The following LIG4 variants were observed in gnomAD, a reference collection of about 807,000 sequenced individuals.
LIG4 encodes the protein DNA joinase.
LIG4 carries 13 observed loss-of-function variants against 19.0 expected under a neutral mutation model. That is an observed-to-expected ratio of 0.68 (90% confidence interval 0.44 to 1.09). The LOEUF (loss-of-function observed/expected upper bound fraction) is 1.09, where lower values mean the gene tolerates loss of function less well. Among genes scored for constraint, LIG4 ranks in the 50% least tolerant of loss-of-function variants. The pLI, the probability that LIG4 is intolerant of heterozygous loss-of-function variation, is 0.00. For missense variants in LIG4, 1,026 were observed against 1,089.7 expected, an observed-to-expected ratio of 0.94 and a Z score of 0.82; for synonymous variants, 361 against 358.2, an observed-to-expected ratio of 1.01 and a Z score of -0.09.
At position 108,210,605 on chromosome 13, in the gene LIG4, C is replaced by A. The variant is rs1311822520; in HGVS notation, c.664G>T (p.Glu222Ter). ...AELHNVTTDLEKVCRQLHDPS... is the reference protein window; with the variant it reads ...AELHNVTTDL Reference sequence around the variant, plus strand: ...TCATGCAGTTGCCTACAGACTTTTTCCAGATCTGTAGTGACATTATGCAAC... The same window carrying A: ...TCATGCAGTTGCCTACAGACTTTTTACAGATCTGTAGTGACATTATGCAAC... The change falls in exon 3 of 3, where the codon GAA becomes TAA. Residue 222 changes from glutamate to a stop codon, truncating the protein, a stop_gained. Transcript: ENST00000442234. LOFTEE classifies it high-confidence loss of function. 1 of 1,613,404 alleles carries A rather than the reference C, an allele frequency of 6.2e-7. No individual in the cohort carries two copies.
intron 2 of LIG4, among the ~76,000 whole-genome samples, chr13:108,213,791 T>C (rs1002438378): frequency 1.3e-5 from 2 of 152,226 alleles, no homozygotes; most frequent in Non-Finnish European, 2.9e-5. Context: ...TTCAGTTTCC[T>C]AAAGTATAAA....
At position 108,210,027 on chromosome 13, in the gene LIG4, T is replaced by G. The variant is rs150828164; in HGVS notation, c.1242A>C (p.Val414=). The G allele has an allele frequency of 3.4e-5, 55 of 1,612,144 alleles. No individual in the cohort carries two copies. Among genetic ancestry groups the G allele is most frequent in the Non-Finnish European group, 4.5e-5 (53 of 1,179,988 alleles). Residue 414 remains valine (V), a synonymous_variant, in exon 3 of 3, where the codon GTA becomes GTC. Transcript: ENST00000442234. ...CTATTGCTTCATTCAATGCATCAAT[T>G]ACTTCATTCTTAGTATGAGCTTGTG... is the stretch of plus-strand genomic sequence containing the variant. The part of the protein sequence containing the change: ...QKTQAHTKNE[V]IDALNEAIDK...
At position 108,209,106 on chromosome 13, in the gene LIG4, GACA is replaced by G; in HGVS notation, c.2160_2162del (p.Val721del). On this transcript the variant is annotated inframe_deletion, in exon 3 of 3. Transcript: ENST00000442234. Reference sequence around the variant, plus strand: ...AACATTCTAAAAGCCATGCAGGCTTGACAACATCATGTTTATTTGACAAAATTA... The same window carrying G: ...AACATTCTAAAAGCCATGCAGGCTTGACATCATGTTTATTTGACAAAATTA... 1.2e-6 allele frequency: 2 copies of G among 1,614,096 alleles called. No individual in the cohort carries two copies.
upstream of LIG4, among the ~76,000 whole-genome samples, chr13:108,215,883 T>C (rs560735976): frequency 6.6e-6 from 1 of 152,268 alleles, no homozygotes; most frequent in South Asian, 2.1e-4. Flanking sequence ...TCGCTGGTTG[T>C]GAAAACTCCC....
Position 108,208,653 on chromosome 13 carries a change from A to G in LIG4, c.2616T>C (p.Val872=). ...TTCTTCTAAAAGCTTTAAAATCTGC[A>G]ACACGACTATGATCTTCCCCAATTA... ...HVIIGEDHSR[V]ADFKAFRRTF... Residue 872 remains valine, a synonymous_variant, in exon 3 of 3, where the codon GTT becomes GTC. Transcript: ENST00000442234. The G allele has an allele frequency of 6.2e-7, 1 of 1,614,090 alleles. No homozygotes were observed. The highest frequency in any genetic ancestry group is 8.5e-7 in the Non-Finnish European group (1 of 1,179,954).
Position 108,208,431 on chromosome 13 carries a change from T to TAAA in LIG4, c.*101_*102insTTT, listed in dbSNP as rs1878150228. On this transcript the variant is annotated 3_prime_UTR_variant, in exon 3 of 3. Transcript: ENST00000442234. The stretch of plus-strand genomic sequence containing the variant: ...TGTAATGATACTTTTTAGGCATAGA[T>TAAA]TTTTAAGATACAAAAATAAAATGTA... 3 of 764,126 alleles carry TAAA rather than the reference T, an allele frequency of 3.9e-6. No individual in the cohort carries two copies. The highest frequency in any genetic ancestry group is 6.5e-6 in the Non-Finnish European group (3 of 461,650). 47.3% of individuals were successfully genotyped at this position (764,126 alleles called of 1,614,324 possible). A position where few individuals can be genotyped will look rare whatever the true frequency, so the allele number is the denominator to read the frequency against.
intron 2 of LIG4, among the ~76,000 whole-genome samples, chr13:108,212,176 C>A: frequency 7.4e-6 from 1 of 135,138 alleles, no homozygotes; most frequent in South Asian, 2.3e-4. Context: ...AAAATATATT[C>A]TGTAAAAAAA....
chr13:108,211,507 TATC>T (rs1460910618), intron 2 of LIG4, among the ~76,000 whole-genome samples: 1 of 152,316 alleles, frequency 6.6e-6, no homozygotes, highest in East Asian at 1.9e-4. Context: ...TTATGAAAAG[TATC>T]ATCAGCTATA....
chr13:108,208,838 T>C lies in LIG4; in HGVS notation c.2431A>G (p.Ser811Gly), dbSNP rs1334962302. 1 of 1,614,140 alleles carries C rather than the reference T, an allele frequency of 6.2e-7. No individual in the cohort carries two copies. The highest frequency in any genetic ancestry group is 1.7e-5 in the Admixed American group (1 of 60,028). Residue 811 changes from serine (S) to glycine (G), a missense_variant, in exon 3 of 3, where the codon AGT becomes GGT. Coordinates refer to ENST00000442234, the MANE Select transcript of LIG4 (RefSeq NM_206937.2). The stretch of plus-strand genomic sequence containing the variant: ...TAAACGGTGTGGCGTCGAAACATAC[T>C]GAGAGGAGAGCAATCCCAGGAATAC... ...YRYSWDCSPL[S>G]MFRRHTVYLD...
chr13:108,211,054 A>G lies in LIG4; in HGVS notation c.215T>C (p.Leu72Pro). ...CATTCTCTCTCTTTCTAGCTGAGGA[A>G]GAATTAGTCTCATTGCTGGATAAAA... Reference protein sequence around the residue: ...DSFYPAMRLILPQLERERMAY... With the variant: ...DSFYPAMRLIPPQLERERMAY... Residue 72 changes from leucine to proline, a missense_variant, in exon 3 of 3, where the codon CTT (leucine) becomes CCT (proline). By Grantham distance (98) the Leu-to-Pro change is moderately conservative (BLOSUM62 -3). Around this residue, in one of 3 missense-constraint regions of LIG4, gnomAD observed 493 missense variants for 544.5 expected, o/e 0.91. Coordinates refer to ENST00000442234, the MANE Select transcript of LIG4 (RefSeq NM_206937.2). 6.2e-7 allele frequency: 1 copy of G among 1,601,060 alleles called. No homozygotes were observed. The highest frequency in any genetic ancestry group is 1.1e-5 in the South Asian group (1 of 88,472).
Position 108,210,414 on chromosome 13 carries a change from T to A in LIG4, c.855A>T (p.Gly285=). ...TTCGAGAGAAGTATTTATATACATC[T>A]CCATCTTTGTGCATTTGCATACGTT... The part of the protein sequence containing the change: ...DGERMQMHKD[G]DVYKYFSRNG... The change falls in exon 3 of 3, where the codon GGA becomes GGT. Residue 285 remains glycine (G), a synonymous_variant. Transcript: ENST00000442234. The A allele has an allele frequency of 6.2e-7, 1 of 1,613,614 alleles. No individual in the cohort carries two copies. Among genetic ancestry groups the A allele is most frequent in the South Asian group, 1.1e-5 (1 of 91,078 alleles).
chr13:108,214,156 T>C (rs949422882), intron 2 of LIG4, among the ~76,000 whole-genome samples: 1 of 152,050 alleles, frequency 6.6e-6, no homozygotes, highest in South Asian at 2.1e-4. Context: ...CTATTGCACT[T>C]AAAAAAGAGA....
At position 108,209,642 on chromosome 13, in the gene LIG4, CTGT is replaced by C. The variant is rs749726234; in HGVS notation, c.1624_1626del (p.Thr542del). On this transcript the variant is annotated inframe_deletion, in exon 3 of 3. Coordinates refer to ENST00000442234, the MANE Select transcript of LIG4 (RefSeq NM_206937.2). ...GGTTCAATGTATACTTCTGGCTTCT[CTGT>C]TCCACATAAAATGCTGCTTGGTGGA... 6.2e-7 allele frequency: 1 copy of C among 1,614,096 alleles called. No individual in the cohort carries two copies. The highest frequency in any genetic ancestry group is 1.3e-5 in the African/African-American group (1 of 74,924).
At chr13:108,215,454 C>T (rs1394057498) in intron 1 of LIG4, 30 bp downstream of exon 1, 1 of 93,482 alleles carries the variant, frequency 1.1e-5, no homozygotes, top group African/African-American at 4.2e-5. Context: ...CTCCCAACCG[C>T]CCCCACCTGC....
Position 108,210,392 on chromosome 13 carries a change from G to T in LIG4, c.877C>A (p.Arg293=), listed in dbSNP as rs948441067. 22 of 1,613,640 alleles carry T rather than the reference G, an allele frequency of 1.4e-5. No individual in the cohort carries two copies. The South Asian group carries it at 2.3e-4, about 17-fold the overall frequency. ...KDGDVYKYFS[R]NGYNYTDQFG... ...TGATCAGTGTAGTTATATCCATTTCGAGAGAAGTATTTATATACATCTCCA... is the reference window on the plus strand; with the variant it reads ...TGATCAGTGTAGTTATATCCATTTCTAGAGAAGTATTTATATACATCTCCA... The change falls in exon 3 of 3, where the codon CGA becomes AGA. Residue 293 remains arginine (R), a synonymous_variant. Transcript: ENST00000442234.
At position 108,208,591 on chromosome 13, in the gene LIG4, C is replaced by T. The variant is rs1407817431; in HGVS notation, c.2678G>A (p.Trp893Ter). 6.2e-7 allele frequency: 1 copy of T among 1,613,206 alleles called. No homozygotes were observed. Among genetic ancestry groups the T allele is most frequent in the Non-Finnish European group, 8.5e-7 (1 of 1,179,484 alleles). ...KRKFKILKES[W>*]VTDSIDKCEL... ...ACACTTGTCTATTGAATCAGTTACC[C>T]AACTTTCTTTTAGGATTTTAAACTT... The change falls in exon 3 of 3, where the codon TGG becomes TAG. Residue 893 changes from tryptophan (W) to a stop codon, truncating the protein, a stop_gained. Transcript: ENST00000442234. LOFTEE classifies it high-confidence loss of function.
chr13:108,210,244 A>G lies in LIG4; in HGVS notation c.1025T>C (p.Phe342Ser), dbSNP rs773271264. Residue 342 changes from phenylalanine to serine, a missense_variant, in exon 3 of 3, where the codon TTC (phenylalanine) becomes TCC (serine). By Grantham distance (155) the Phe-to-Ser change is radical. Transcript: ENST00000442234. ...MMAYNPNTQT[F>S]MQKGTKFDIK... is the part of the protein sequence containing the mutation. ...ATCAAACTTAGTTCCCTTTTGCATG[A>G]AAGTTTGTGTATTAGGATTATAGGC... 2 of 1,613,794 alleles carry G rather than the reference A, an allele frequency of 1.2e-6. No homozygotes were observed. The highest frequency in any genetic ancestry group is 1.7e-5 in the Admixed American group (1 of 59,992).
Position 108,210,482 on chromosome 13 carries a change from T to C in LIG4, c.787A>G (p.Met263Val), listed in dbSNP as rs565106026. Reference sequence around the variant, plus strand: ...TCTATGTAGAAACTCTGATGTTTCATATCCTTCTCAATGTGCTCAATATCT... The same window carrying C: ...TCTATGTAGAAACTCTGATGTTTCACATCCTTCTCAATGTGCTCAATATCT... ...IADIEHIEKD[M>V]KHQSFYIETK... is the part of the protein sequence containing the mutation. Residue 263 changes from methionine to valine, a missense_variant, in exon 3 of 3, where the codon ATG (methionine) becomes GTG (valine). By Grantham distance (21) the Met-to-Val change is conservative. Around this residue, in one of 3 missense-constraint regions of LIG4, gnomAD observed 493 missense variants for 544.5 expected, o/e 0.91. Transcript: ENST00000442234. 1.2e-6 allele frequency: 2 copies of C among 1,613,226 alleles called. No individual in the cohort carries two copies. Among genetic ancestry groups the C allele is most frequent in the Non-Finnish European group, 1.7e-6 (2 of 1,179,958 alleles).
In LIG4 at chr13:108,211,112, G is replaced by C. The variant is rs1191143554; in HGVS notation, c.157C>G (p.Leu53Val). 1 of 1,611,372 alleles carries C rather than the reference G, an allele frequency of 6.2e-7. No individual in the cohort carries two copies. The stretch of plus-strand genomic sequence containing the variant: ...GTGACATCTTTGTGGTTCTTATGAA[G>C]AGCATCATGAAATTTTCTCCAAGAA... ...LDSWRKFHDA[L>V]HKNHKDVTDS... is the part of the protein sequence containing the mutation. Residue 53 changes from leucine to valine, a missense_variant, in exon 3 of 3, where the codon CTT becomes GTT. Leu to Val is a conservative substitution (Grantham distance 32). Around this residue, in one of 3 missense-constraint regions of LIG4, gnomAD observed 493 missense variants for 544.5 expected, o/e 0.91. Transcript: ENST00000442234.
Sources: gnomAD v4.1 joint callset for allele counts (sites outside exome capture counted in the v4.1 genomes callset) on GRCh38, gnomAD v4.1.1 for gene constraint, gnomAD v4.1.1 regional missense constraint, MANE v1.5 for transcripts, NCBI Gene and HGNC (gene_info 2026-07-23, HGNC 2026-07-21) for gene names.